COCH: variants seen among roughly 807,000 people sequenced by gnomAD.
COCH encodes the protein coagulation factor C homolog, cochlin (Limulus polyphemus).
In COCH, 40 loss-of-function variants were observed where a neutral mutation model predicts 54.8. That is an observed-to-expected ratio of 0.73 (90% CI 0.57 to 0.95). The LOEUF (loss-of-function observed/expected upper bound fraction) is 0.95. Among genes scored for constraint, COCH ranks in the 40% least tolerant of loss-of-function variants. The pLI is 0.00. For synonymous variants in COCH, 256 were observed against 237.9 expected (o/e 1.08, Z -0.70); for missense variants, 605 against 675.0 (o/e 0.90, Z 1.15).
chr14:30,884,372 C>T (rs1006710379), intron 8 of COCH, 181 bp from the exon 9 acceptor site: 3 of 591,698 alleles, frequency 5.1e-6, no homozygotes, highest in Non-Finnish European at 6.0e-6. Flanking sequence ...TTATTTGTTA[C>T]ACCTCTGAAA....
At chr14:30,879,333 A>G (rs1355657367) in intron 5 of COCH, 90 bp from the exon 6 acceptor site, 6 of 1,308,526 alleles carry the variant, frequency 4.6e-6, no homozygotes, top group Admixed American at 1.9e-5. Flanking sequence ...ACCCTATTAC[A>G]TTTGTCATTG....
downstream of COCH, among the ~76,000 whole-genome samples, chr14:30,892,505 T>C (rs1369484427): frequency 6.6e-6 from 1 of 152,090 alleles, no homozygotes; most frequent in Non-Finnish European, 1.5e-5. Context: ...AAAAATGGTA[T>C]TTAAAAAAAA....
At chr14:30,889,524 A>G (rs1006683048) in intron 11 of COCH, 92 bp from the exon 12 acceptor site, 166 of 1,153,310 alleles carry the variant, frequency 1.4e-4, no homozygotes, top group Admixed American at 2.1e-4. Context: ...TTTCGCTGCA[A>G]CTATGTAACA....
intron 11 of COCH, 34 bp downstream of exon 11, chr14:30,886,346 A>AGT (rs1447024950): frequency 2.5e-6 from 4 of 1,611,504 alleles, no homozygotes; most frequent in Non-Finnish European, 3.4e-6. Flanking sequence ...AGAAGGGAAC[A>AGT]GAAAAAACGG....
downstream of COCH, chr14:30,894,124 T>C (rs989694956): frequency 1.3e-5 from 2 of 152,564 alleles, no homozygotes; most frequent in Non-Finnish European, 2.9e-5. Flanking sequence ...CACCATAAAA[T>C]TAAGCACATC....
At chr14:30,892,104 C>G (rs1895995940), downstream of COCH, among the ~76,000 whole-genome samples, 1 of 151,808 alleles carries the variant, frequency 6.6e-6, no homozygotes, top group African/African-American at 2.4e-5. Context: ...GTATAAAGTA[C>G]TATTTAATAG....
Position 30,890,001 on chromosome 14 carries a change from TTCATA to T in COCH, c.*211_*215del. The T allele has an allele frequency of 7.8e-7, 1 of 1,276,772 alleles. No homozygotes were observed. Among genetic ancestry groups the T allele is most frequent in the Non-Finnish European group, 9.9e-7 (1 of 1,008,658 alleles). The allele number at this position is 1,276,772 out of a possible 1,614,324, so 79.1% of individuals were successfully genotyped here. A position where few individuals can be genotyped will look rare whatever the true frequency, so the allele number is the denominator to read the frequency against. On this transcript the variant is annotated 3_prime_UTR_variant, in exon 12 of 12. Transcript: ENST00000396618. ...ACTTTGTTAAAAACACTGCTGAGGC[TTCATA>T]ATCATGGCTCTTAGAAACTCAGGAA...
Position 30,885,784 on chromosome 14 carries a change from CT to C in COCH, c.961-11del, listed in dbSNP as rs1344875562. Reference sequence around the variant, plus strand: ...ATCCTTTTGGATATCTTTTATGTGTCTCCCCCATTAGGCTGTCTGTCGGAAT... The same window carrying C: ...ATCCTTTTGGATATCTTTTATGTGTCCCCCCATTAGGCTGTCTGTCGGAAT... On this transcript the variant is annotated splice_polypyrimidine_tract_variant and intron_variant, in intron 10 of 11. Transcript: ENST00000396618. The C allele has an allele frequency of 6.2e-7, 1 of 1,613,630 alleles. No individual in the cohort carries two copies. The highest frequency in any genetic ancestry group is 1.7e-5 in the Admixed American group (1 of 60,010).
At chr14:30,882,850 C>T (rs781266869) in intron 8 of COCH, among the ~76,000 whole-genome samples, 1 of 152,168 alleles carries the variant, frequency 6.6e-6, no homozygotes, top group African/African-American at 2.4e-5. Flanking sequence ...GATGGCACCA[C>T]TCTACTCCAG....
chr14:30,884,921 G>T, intron 9 of COCH: 2 of 1,596,906 alleles, frequency 1.3e-6, no homozygotes, highest in South Asian at 1.1e-5. Flanking sequence ...TATAACATTG[G>T]AGAAGTATCT....
At chr14:30,889,282 G>A (rs1315292928) in intron 11 of COCH, 2 of 275,324 alleles carry the variant, frequency 7.3e-6, no homozygotes, top group African/African-American at 2.2e-5. Context: ...AAGATACTGT[G>A]GATCAGGTTA....
At chr14:30,875,282 C>T (rs1363793822) in intron 3 of COCH, 179 bp downstream of exon 3, 1 of 879,684 alleles carries the variant, frequency 1.1e-6, no homozygotes, top group South Asian at 1.7e-5. Context: ...TGCTCCTGCT[C>T]ACCTGTTTCT....
chr14:30,877,811 T>A lies in COCH; in HGVS notation c.239+83T>A. 1.3e-6 allele frequency: 2 copies of A among 1,596,710 alleles called. No homozygotes were observed. The highest frequency in any genetic ancestry group is 1.7e-6 in the Non-Finnish European group (2 of 1,173,010). The stretch of plus-strand genomic sequence containing the variant: ...GCTTTACCCATCTGGATCCCTTTCC[T>A]CCCTGCATTCTTTCTTTTGTTGCCA... On this transcript the variant is annotated intron_variant, in intron 4 of 11. Transcript: ENST00000396618. This position sits in a 1 kb window ranked among gnomAD's most constrained non-coding sequence, Gnocchi z 8.6.
At chr14:30,875,618 C>A in intron 3 of COCH, 1 of 325,528 alleles carries the variant, frequency 3.1e-6, no homozygotes. Flanking sequence ...GAAGCACTCG[C>A]GGTCTCACTC....
In COCH at chr14:30,885,605, C is replaced by A; in HGVS notation, c.945C>A (p.Val315=). 6.2e-7 allele frequency: 1 copy of A among 1,600,264 alleles called. No individual in the cohort carries two copies. Among genetic ancestry groups the A allele is most frequent in the South Asian group, 1.1e-5 (1 of 90,762 alleles). Residue 315 remains valine (V), a synonymous_variant, in exon 10 of 12, where the codon GTC becomes GTA. Transcript: ENST00000396618. ...IPEELGMVQD[V]TFVDKAVCRN... is the part of the protein sequence containing the mutation. ...AAGAACTGGGGATGGTTCAGGATGT[C>A]ACATTTGTTGACAAGGTAAAGTGGT... is the stretch of plus-strand genomic sequence containing the variant.
chr14:30,884,315 T>C, intron 8 of COCH: 2 of 490,580 alleles, frequency 4.1e-6, no homozygotes, highest in Non-Finnish European at 7.4e-6. Context: ...ACATGTGTTA[T>C]GCTTTTGGCT....
intron 3 of COCH, among the ~76,000 whole-genome samples, chr14:30,876,771 A>G (rs1488963787): frequency 6.6e-6 from 1 of 152,188 alleles, no homozygotes; most frequent in Admixed American, 6.5e-5. Flanking sequence ...AACTGTGTAC[A>G]TAGCGTCATC....
intron 6 of COCH, 40 bp from the exon 7 acceptor site, chr14:30,880,412 G>C (rs1012826993): frequency 6.2e-7 from 1 of 1,611,082 alleles, no homozygotes; most frequent in Non-Finnish European, 8.5e-7. Context: ...CTATGTAACT[G>C]TCTTCCTTTT....
At chr14:30,881,877 T>C (rs1895603199) in intron 8 of COCH, among the ~76,000 whole-genome samples, 1 of 151,588 alleles carries the variant, frequency 6.6e-6, no homozygotes, top group Admixed American at 6.6e-5. Flanking sequence ...GGCAGGAGAA[T>C]GGCGTGAACC....
Sources: allele counts gnomAD v4.1 joint callset (sites outside exome capture counted in the v4.1 genomes callset), GRCh38; gene constraint gnomAD v4.1.1; non-coding constraint Gnocchi (gnomAD v3.1); transcripts MANE v1.5; gene names NCBI Gene and HGNC (gene_info 2026-07-23, HGNC 2026-07-21).